The following GRXCR1 variants were observed in gnomAD, a reference collection of about 807,000 sequenced individuals.
The protein encoded by GRXCR1 is glutaredoxin domain-containing cysteine-rich protein 1.
In GRXCR1, 27 loss-of-function variants were observed where a neutral mutation model predicts 27.3. The ratio of observed to expected loss-of-function variants is 0.99; its 90% CI spans 0.73 to 1.37. The LOEUF (loss-of-function observed/expected upper bound fraction) is 1.37. GRXCR1 is among the 40% of genes most tolerant of loss of function. GRXCR1 has a pLI of 0.00. For synonymous variants in GRXCR1, 122 were observed against 131.1 expected (o/e 0.93, Z 0.47); for missense variants, 379 against 354.4 (o/e 1.07, Z -0.56).
intron 1 of GRXCR1, among the ~76,000 whole-genome samples, chr4:42,962,289 G>T (rs936132222): frequency 5.3e-5 from 8 of 151,958 alleles, no homozygotes; most frequent in Non-Finnish European, 8.8e-5. Flanking sequence ...TCCCATTCTG[G>T]AACATTTAAT....
At chr4:42,958,804 A>C (rs565874676) in intron 1 of GRXCR1, among the ~76,000 whole-genome samples, 15 of 152,118 alleles carry the variant, frequency 9.9e-5, no homozygotes, top group African/African-American at 3.6e-4. Flanking sequence ...GCCAAGAGAG[A>C]TATATAAAAG....
chr4:42,903,058 C>G (rs1211546563), intron 1 of GRXCR1, among the ~76,000 whole-genome samples: 2 of 151,578 alleles, frequency 1.3e-5, no homozygotes, highest in East Asian at 1.9e-4. Context: ...GCTTCTAGAA[C>G]TCAGGAGGTT....
chr4:42,893,870 A>G (rs545688070), intron 1 of GRXCR1, among the ~76,000 whole-genome samples: 38 of 152,294 alleles, frequency 2.5e-4, no homozygotes, highest in Middle Eastern at 3.4e-3. Flanking sequence ...TTTCTAACAC[A>G]TAAGTGGTCT....
chr4:42,940,892 G>T (rs187221326), intron 1 of GRXCR1, among the ~76,000 whole-genome samples: 5 of 151,876 alleles, frequency 3.3e-5, no homozygotes, highest in African/African-American at 7.2e-5. Flanking sequence ...AAATAATGTT[G>T]CCATATAAAA....
intron 2 of GRXCR1, among the ~76,000 whole-genome samples, chr4:42,977,657 T>TA (rs955811370): frequency 1.3e-5 from 2 of 151,802 alleles, no homozygotes; most frequent in South Asian, 2.1e-4. Context: ...TTAATGGAAT[T>TA]AAAAAAAATT....
chr4:42,933,605 T>C (rs912777296), intron 1 of GRXCR1, among the ~76,000 whole-genome samples: 1 of 151,708 alleles, frequency 6.6e-6, no homozygotes, highest in African/African-American at 2.4e-5. Flanking sequence ...TGTTAGGAGG[T>C]TGGTTTTTGG....
In GRXCR1 at chr4:42,963,008, C is replaced by T. The variant is rs1487526257; in HGVS notation, c.501C>T (p.Arg167=). The T allele has an allele frequency of 2.5e-6, 4 of 1,612,746 alleles. No homozygotes were observed. The highest frequency in any genetic ancestry group is 3.4e-6 in the Non-Finnish European group (4 of 1,179,134). ...ELVRKIFQNH[R]VKFEEKNIAL... Reference sequence around the variant, plus strand: ...TTAGAAAGATTTTCCAAAACCATCGCGTAAAATTTGAAGAGAAAAACATAG... The same window carrying T: ...TTAGAAAGATTTTCCAAAACCATCGTGTAAAATTTGAAGAGAAAAACATAG... Residue 167 remains arginine (R), a synonymous_variant, in exon 2 of 4, where the codon CGC becomes CGT. Coordinates refer to ENST00000399770, the MANE Select transcript of GRXCR1 (RefSeq NM_001080476.3).
At chr4:42,976,580 C>T (rs1051844463) in intron 2 of GRXCR1, among the ~76,000 whole-genome samples, 18 of 151,960 alleles carry the variant, frequency 1.2e-4, no homozygotes, top group African/African-American at 4.3e-4. Context: ...CTTTAGTGTA[C>T]ACCAAAACCT....
At position 42,957,995 on chromosome 4, in the gene GRXCR1, G is replaced by A. The variant is rs899718689; in HGVS notation, c.385-4897G>A. Among the ~76,000 whole-genome samples the A allele has an allele frequency of 4.0e-5, 6 of 151,898 alleles. No individual in the cohort carries two copies. In the East Asian group the frequency reaches 1.2e-3, roughly 30 times the overall value. On this transcript the variant is annotated intron_variant, in intron 1 of 3. Coordinates refer to ENST00000399770, the MANE Select transcript of GRXCR1 (RefSeq NM_001080476.3). ...TGCTTATAGATGTCTGTCAATATGT[G>A]AGCATTGAAGAGTTAGGTATTTATT...
rs182252578 is a variant in GRXCR1, at chr4:42,953,913, A to T, written c.385-8979A>T. Among the ~76,000 whole-genome samples the T allele has an allele frequency of 1.3e-4, 20 of 152,218 alleles. No individual in the cohort carries two copies. In the East Asian group the frequency reaches 3.7e-3, roughly 28 times the overall value. ...TTCAAACCTCACAAATCCCCATGAAATAGGCACTAGTGTCTATATTTAAAG... is the reference window on the plus strand; with the variant it reads ...TTCAAACCTCACAAATCCCCATGAATTAGGCACTAGTGTCTATATTTAAAG... On this transcript the variant is annotated intron_variant, in intron 1 of 3. Coordinates refer to ENST00000399770, the MANE Select transcript of GRXCR1 (RefSeq NM_001080476.3).
chr4:42,951,242 G>T lies in GRXCR1; in HGVS notation c.385-11650G>T, dbSNP rs189290252. ...TGTTCTATTCACTCACTCAACAGAT[G>T]GTACGTTGACCACCTACATCAGGGA... On this transcript the variant is annotated intron_variant, in intron 1 of 3. Transcript: ENST00000399770. Among the ~76,000 whole-genome samples the T allele has an allele frequency of 2.7e-3, 411 of 152,242 alleles. 4 individuals are homozygous for T. Among genetic ancestry groups the T allele is most frequent in the Non-Finnish European group, 2.6e-4 (18 of 68,016 alleles).
At position 42,893,624 on chromosome 4, in the gene GRXCR1, T is replaced by C. The variant is rs529420082; in HGVS notation, c.358T>C (p.Phe120Leu). ...CAAAGTGAGTGCTGGCCAGGCTCTA[T>C]TTAACAATTTGACCAAAGTATTACA... is the stretch of plus-strand genomic sequence containing the variant. ...KYKVSAGQAL[F>L]NNLTKVLQQP... is the part of the protein sequence containing the mutation. Residue 120 changes from phenylalanine to leucine, a missense_variant, in exon 1 of 4, where the codon TTT (phenylalanine) becomes CTT (leucine). Physicochemically the swap from Phe to Leu is conservative, Grantham distance 22. Coordinates refer to ENST00000399770, the MANE Select transcript of GRXCR1 (RefSeq NM_001080476.3). 64 of 1,613,348 alleles carry C rather than the reference T, an allele frequency of 4.0e-5. No homozygotes were observed. Among genetic ancestry groups the C allele is most frequent in the Non-Finnish European group, 5.2e-5 (61 of 1,179,714 alleles).
intron 2 of GRXCR1, among the ~76,000 whole-genome samples, chr4:42,983,867 A>C (rs1416073023): frequency 2.2e-5 from 3 of 137,764 alleles, no homozygotes; most frequent in African/African-American, 5.6e-5. Context: ...ACAGAGTCTC[A>C]CTCTGTCACC....
intron 1 of GRXCR1, among the ~76,000 whole-genome samples, chr4:42,945,315 A>C (rs1747718000): frequency 6.6e-6 from 1 of 152,184 alleles, no homozygotes; most frequent in East Asian, 1.9e-4. Context: ...AAATGTAAAA[A>C]AACCTCATAA....
intron 2 of GRXCR1, among the ~76,000 whole-genome samples, chr4:42,992,578 A>G (rs1712009294): frequency 6.6e-6 from 1 of 152,116 alleles, no homozygotes; most frequent in Non-Finnish European, 1.5e-5. Flanking sequence ...AGTGATAATC[A>G]GATTTGTTTA....
intron 2 of GRXCR1, among the ~76,000 whole-genome samples, chr4:42,963,995 A>C (rs1456939740): frequency 6.6e-6 from 1 of 151,968 alleles, no homozygotes; most frequent in Non-Finnish European, 1.5e-5. Flanking sequence ...AGATGCTCAC[A>C]TTTTGTTTCA....
At chr4:42,982,171 C>T (rs1227496846) in intron 2 of GRXCR1, among the ~76,000 whole-genome samples, 1 of 151,962 alleles carries the variant, frequency 6.6e-6, no homozygotes, top group Non-Finnish European at 1.5e-5. Context: ...CGTCATCTAG[C>T]ATTAGCTACA....
At chr4:42,987,248 A>ATATAATATATT (rs370379241) in intron 2 of GRXCR1, among the ~76,000 whole-genome samples, 59 of 67,488 alleles carry the variant, frequency 8.7e-4, no homozygotes, top group Non-Finnish European at 1.6e-3. Flanking sequence ...TATAATATAT[A>ATATAATATATT]ATATATATAT....
At chr4:42,921,730 A>G (rs772098382) in intron 1 of GRXCR1, among the ~76,000 whole-genome samples, 1 of 152,148 alleles carries the variant, frequency 6.6e-6, no homozygotes, top group Non-Finnish European at 1.5e-5. Flanking sequence ...AAATTCCATA[A>G]TGATACCAGA....
Sources: gnomAD v4.1 joint callset for allele counts (sites outside exome capture counted in the v4.1 genomes callset) on GRCh38, gnomAD v4.1.1 for gene constraint, MANE v1.5 for transcripts, NCBI Gene and HGNC (gene_info 2026-07-23, HGNC 2026-07-21) for gene names.